SPMIP3: variants seen among roughly 807,000 people sequenced by gnomAD.
SPMIP3 encodes the protein protein SPMIP3.
At chr1:244,353,919 C>A in the SPMIP3 span, among the ~76,000 whole-genome samples, 2 of 152,226 alleles carry the variant, frequency 1.3e-5, no homozygotes, top group Admixed American at 1.3e-4. Context: ...TGCTCCTAGC[C>A]AGGGTGAGTC....
the SPMIP3 span, among the ~76,000 whole-genome samples, chr1:244,372,951 T>C: frequency 6.6e-6 from 1 of 152,174 alleles, no homozygotes; most frequent in South Asian, 2.1e-4. Flanking sequence ...CCCTCCATCC[T>C]ATCTCCTAAA....
At chr1:244,387,077 C>T in the SPMIP3 span, among the ~76,000 whole-genome samples, 220 of 152,268 alleles carry the variant, frequency 1.4e-3, 1 homozygote, top group African/African-American at 5.0e-3. Context: ...CCAAGGTGGG[C>T]GGATCACTTG....
chr1:244,369,375 A>T, the SPMIP3 span, among the ~76,000 whole-genome samples: 1 of 152,132 alleles, frequency 6.6e-6, no homozygotes, highest in Non-Finnish European at 1.5e-5. Flanking sequence ...TAAAACTTTG[A>T]TCGAAACAGT....
At chr1:244,355,446 G>C in the SPMIP3 span, among the ~76,000 whole-genome samples, 1 of 152,108 alleles carries the variant, frequency 6.6e-6, no homozygotes, top group Admixed American at 6.6e-5. Context: ...GGAGTGTAGT[G>C]GTGTGATCTC....
chr1:244,380,015 T>C, the SPMIP3 span, among the ~76,000 whole-genome samples: 1 of 151,876 alleles, frequency 6.6e-6, no homozygotes, highest in African/African-American at 2.4e-5. Flanking sequence ...GTATAGGACC[T>C]TGGGGGAGGA....
At chr1:244,369,907 A>G in the SPMIP3 span, among the ~76,000 whole-genome samples, 1 of 152,202 alleles carries the variant, frequency 6.6e-6, no homozygotes, top group South Asian at 2.1e-4. Flanking sequence ...GTGGTGACAG[A>G]GAAAGGGGAA....
the SPMIP3 span, among the ~76,000 whole-genome samples, chr1:244,374,255 G>T: frequency 3.3e-5 from 5 of 151,830 alleles, no homozygotes; most frequent in South Asian, 6.3e-4. Context: ...CTCTTCTTAC[G>T]TTCACCCCAC....
the SPMIP3 span, among the ~76,000 whole-genome samples, chr1:244,372,786 C>T: frequency 1.3e-5 from 2 of 152,298 alleles, no homozygotes; most frequent in East Asian, 3.9e-4. Context: ...ATCTGTGGGA[C>T]ATCCCGAAAG....
At chr1:244,373,000 C>T in the SPMIP3 span, among the ~76,000 whole-genome samples, 3 of 152,104 alleles carry the variant, frequency 2.0e-5, no homozygotes, top group Non-Finnish European at 4.4e-5. Context: ...TCCACATTTC[C>T]ATCATATCAG....
chr1:244,374,203 A>C, the SPMIP3 span, among the ~76,000 whole-genome samples: 1 of 152,138 alleles, frequency 6.6e-6, no homozygotes, highest in Admixed American at 6.5e-5. Flanking sequence ...GGCCTCCCTC[A>C]GCCCCGTTGT....
At chr1:244,375,535 C>T in the SPMIP3 span, 25 of 1,275,122 alleles carry the variant, frequency 2.0e-5, no homozygotes, top group African/African-American at 3.0e-5. Flanking sequence ...AAGGGGTCGG[C>T]GGGGGGAAGA....
the SPMIP3 span, among the ~76,000 whole-genome samples, chr1:244,372,864 C>T: frequency 3.9e-5 from 6 of 152,152 alleles, no homozygotes; most frequent in South Asian, 2.1e-4. Context: ...TTATTGTGTT[C>T]CCTCTCTTGG....
chr1:244,380,123 C>CTTTTTTT, the SPMIP3 span, among the ~76,000 whole-genome samples: 19 of 115,540 alleles, frequency 1.6e-4, no homozygotes, highest in African/African-American at 2.4e-4. Context: ...CAGAGTTTTT[C>CTTTTTTT]TTTTTTTTTT....
the SPMIP3 span, among the ~76,000 whole-genome samples, chr1:244,382,898 G>A: frequency 1.3e-5 from 2 of 151,652 alleles, no homozygotes; most frequent in Admixed American, 6.6e-5. Context: ...CACCGTGCCC[G>A]GCCCTCTGGC....
chr1:244,375,197 C>G, the SPMIP3 span: 6 of 493,042 alleles, frequency 1.2e-5, no homozygotes, highest in South Asian at 1.7e-4. Context: ...TAGAAAAGGG[C>G]TGGTTATGCA....
the SPMIP3 span, among the ~76,000 whole-genome samples, chr1:244,385,703 C>A: frequency 3.4e-4 from 51 of 151,130 alleles, no homozygotes; most frequent in Admixed American, 3.1e-3. Context: ...TATTACTATG[C>A]CTTCAAAAAT....
chr1:244,386,425 C>G, the SPMIP3 span, among the ~76,000 whole-genome samples: 2 of 152,124 alleles, frequency 1.3e-5, no homozygotes, highest in African/African-American at 4.8e-5. Flanking sequence ...CATAGCATCC[C>G]CAATCTGTGT....
chr1:244,369,075 C>G, the SPMIP3 span, among the ~76,000 whole-genome samples: 1 of 152,104 alleles, frequency 6.6e-6, no homozygotes, highest in African/African-American at 2.4e-5. Flanking sequence ...AGGAGAATTG[C>G]TTGAACCTGG....
chr1:244,377,498 C>T, the SPMIP3 span, among the ~76,000 whole-genome samples: 1 of 152,204 alleles, frequency 6.6e-6, no homozygotes, highest in African/African-American at 2.4e-5. Context: ...TATTTTTTTA[C>T]ATGCAAGTTG....
Sources: gnomAD v4.1 joint callset for allele counts (sites outside exome capture counted in the v4.1 genomes callset) on GRCh38, gnomAD v4.1.1 for gene constraint, MANE v1.5 for transcripts, NCBI Gene and HGNC (gene_info 2026-07-23, HGNC 2026-07-21) for gene names.